Variants in GFRA2 observed in about 807,000 individuals in gnomAD.
The protein encoded by GFRA2 is GDNF family receptor alpha-2.
Under a neutral mutation model 48.3 loss-of-function variants are expected in GFRA2, and 17 were observed. The observed-to-expected ratio is 0.35, with a 90% CI of 0.24 to 0.53. The LOEUF is 0.53. GFRA2 is among the 20% of genes least tolerant of loss of function. The pLI is 0.93. For synonymous variants in GFRA2, 305 were observed against 257.2 expected, an observed-to-expected ratio of 1.19 and a Z score of -1.78; for missense variants, 660 against 637.3, an observed-to-expected ratio of 1.04 and a Z score of -0.38.
At chr8:21,707,352 G>T (rs1802798960) in intron 4 of GFRA2, among the ~76,000 whole-genome samples, 1 of 152,216 alleles carries the variant, frequency 6.6e-6, no homozygotes, top group Admixed American at 6.5e-5. Context: ...GGAACAGGTA[G>T]AAGGAGAGAC....
intron 4 of GFRA2, among the ~76,000 whole-genome samples, chr8:21,718,993 A>T (rs1803467966): frequency 6.6e-6 from 1 of 150,724 alleles, no homozygotes; most frequent in Non-Finnish European, 1.5e-5. Flanking sequence ...CAAGGGAGTC[A>T]CTGTGGTGCC....
chr8:21,772,558 T>C (rs1401124420), intron 3 of GFRA2, among the ~76,000 whole-genome samples: 1 of 152,134 alleles, frequency 6.6e-6, no homozygotes, highest in Non-Finnish European at 1.5e-5. Flanking sequence ...CCTACTCACC[T>C]AACCCTAACG....
intron 3 of GFRA2, among the ~76,000 whole-genome samples, chr8:21,753,507 G>A (rs1585299007): frequency 6.6e-6 from 1 of 152,024 alleles, no homozygotes; most frequent in East Asian, 1.9e-4. Context: ...CTACACGGGA[G>A]ACTGAGGCAG....
Position 21,788,503 on chromosome 8 carries a change from C to T in GFRA2, c.-344G>A. On this transcript the variant is annotated 5_prime_UTR_variant, in exon 1 of 9. Transcript: ENST00000524240. ...CGGGAAGGCGTGAGTCCCCGCGGGTCCAATTCCCCTGCGCTTCCCAGGAGG... is the reference window on the plus strand; with the variant it reads ...CGGGAAGGCGTGAGTCCCCGCGGGTTCAATTCCCCTGCGCTTCCCAGGAGG... 1 of 1,070,864 alleles carries T rather than the reference C, an allele frequency of 9.3e-7. No homozygotes were observed. Among genetic ancestry groups the T allele is most frequent in the Non-Finnish European group, 1.1e-6 (1 of 886,530 alleles). 66.3% of individuals were successfully genotyped at this position (1,070,864 alleles called of 1,614,324 possible).
chr8:21,775,608 G>A (rs955011773), intron 2 of GFRA2, among the ~76,000 whole-genome samples: 6 of 152,100 alleles, frequency 3.9e-5, no homozygotes, highest in Non-Finnish European at 7.4e-5. Context: ...CGCCAGCTCC[G>A]CCCAGGTCAC....
At chr8:21,767,381 A>T (rs1806223946) in intron 3 of GFRA2, among the ~76,000 whole-genome samples, 1 of 152,114 alleles carries the variant, frequency 6.6e-6, no homozygotes, top group Admixed American at 6.5e-5. Flanking sequence ...CTCTCCACAC[A>T]CCAGGCACAC....
chr8:21,786,133 C>G (rs1029161807), intron 1 of GFRA2, among the ~76,000 whole-genome samples: 1 of 152,238 alleles, frequency 6.6e-6, no homozygotes, highest in Non-Finnish European at 1.5e-5. Context: ...CTCTCACCCC[C>G]GCCTCTCAAC....
chr8:21,764,917 A>G (rs1806083153), intron 3 of GFRA2, among the ~76,000 whole-genome samples: 1 of 151,642 alleles, frequency 6.6e-6, no homozygotes, highest in South Asian at 2.1e-4. Flanking sequence ...CTCCCTTCAC[A>G]TTTTCTCCTC....
At chr8:21,726,636 T>A (rs796330414) in intron 4 of GFRA2, among the ~76,000 whole-genome samples, 5 of 152,182 alleles carry the variant, frequency 3.3e-5, no homozygotes, top group African/African-American at 1.2e-4. Context: ...CATCTCACCA[T>A]CTTCTTCCTT....
At chr8:21,807,749 T>C (rs1807899125) in intron 1 of GFRA2, among the ~76,000 whole-genome samples, 1 of 152,200 alleles carries the variant, frequency 6.6e-6, no homozygotes, top group Admixed American at 6.5e-5. Context: ...AGTCCCATCC[T>C]ACAGGGGCTT....
chr8:21,750,849 C>T lies in GFRA2; in HGVS notation c.533G>A (p.Arg178His), dbSNP rs1195206492. 16 of 1,613,772 alleles carry T rather than the reference C, an allele frequency of 9.9e-6. No individual in the cohort carries two copies. Among genetic ancestry groups the T allele is most frequent in the African/African-American group, 1.3e-5 (1 of 74,912 alleles). ...GTTGCAGATGGAGATGTAGGAGGAG[C>T]GCAGCTTCTTGCAGTTGTCATTCAG... ...CNLNDNCKKL[R>H]SSYISICNRE... The change falls in exon 4 of 9, where the codon CGC (arginine) becomes CAC (histidine). Residue 178 changes from arginine to histidine, a missense_variant. Physicochemically the swap from Arg to His is conservative, Grantham distance 29 (BLOSUM62 0). Transcript: ENST00000524240. The surrounding 1 kb of genome is among the most constrained non-coding windows in gnomAD (Gnocchi z 5.7).
chr8:21,784,978 G>T (rs957562041), intron 1 of GFRA2, among the ~76,000 whole-genome samples: 4 of 152,144 alleles, frequency 2.6e-5, no homozygotes, highest in Admixed American at 2.0e-4. Context: ...GCCCGTGGGA[G>T]CCTCTGGAAG....
chr8:21,808,433 C>T (rs1807911730), intron 1 of GFRA2, among the ~76,000 whole-genome samples: 1 of 152,176 alleles, frequency 6.6e-6, no homozygotes, highest in African/African-American at 2.4e-5. Context: ...TTATGATGTC[C>T]ATCTTATGGA....
intron 1 of GFRA2, among the ~76,000 whole-genome samples, chr8:21,784,701 G>A (rs1219909689): frequency 3.9e-5 from 6 of 152,202 alleles, no homozygotes; most frequent in African/African-American, 1.2e-4. Context: ...AGCAAAAGAC[G>A]TGCCCTTCTC....
At chr8:21,763,949 TAACACACACA>T (rs1275677959) in intron 3 of GFRA2, among the ~76,000 whole-genome samples, 2 of 122,500 alleles carry the variant, frequency 1.6e-5, no homozygotes, top group Non-Finnish European at 3.3e-5. Context: ...GGTCACTAGG[TAACACACACA>T]CACACACACA....
intron 4 of GFRA2, among the ~76,000 whole-genome samples, chr8:21,737,903 T>G (rs1237722012): frequency 6.6e-6 from 1 of 152,102 alleles, no homozygotes; most frequent in Non-Finnish European, 1.5e-5. Context: ...GCTGAAACAC[T>G]CTTTGAAGGA....
At chr8:21,716,207 C>T (rs1426596264) in intron 4 of GFRA2, among the ~76,000 whole-genome samples, 2 of 151,954 alleles carry the variant, frequency 1.3e-5, no homozygotes, top group Non-Finnish European at 2.9e-5. Flanking sequence ...CCTGTAATCC[C>T]ACCTCCTCGG....
At chr8:21,752,227 C>T (rs937733118) in intron 3 of GFRA2, among the ~76,000 whole-genome samples, 10 of 152,130 alleles carry the variant, frequency 6.6e-5, no homozygotes, top group African/African-American at 2.2e-4. Context: ...GCTACCACTC[C>T]ATTTTTCTGC....
chr8:21,708,567 G>T (rs1301413346), intron 4 of GFRA2, among the ~76,000 whole-genome samples: 1 of 152,168 alleles, frequency 6.6e-6, no homozygotes, highest in Non-Finnish European at 1.5e-5. Flanking sequence ...ATCTTATTTG[G>T]AAATAAGATC....
Sources: gnomAD v4.1 joint callset for allele counts (sites outside exome capture counted in the v4.1 genomes callset) on GRCh38, gnomAD v4.1.1 for gene constraint, Gnocchi (gnomAD v3.1) non-coding constraint, MANE v1.5 for transcripts, NCBI Gene and HGNC (gene_info 2026-07-23, HGNC 2026-07-21) for gene names.